The following SAV1 variants were observed in gnomAD, a reference collection of about 807,000 sequenced individuals.
The protein encoded by SAV1 is protein salvador homolog 1.
In SAV1, 23 loss-of-function variants were observed where a neutral mutation model predicts 47.3. The ratio of observed to expected loss-of-function variants is 0.49; its 90% CI spans 0.35 to 0.69. The LOEUF (loss-of-function observed/expected upper bound fraction) is 0.69. SAV1 is among the 30% of genes least tolerant of loss of function. The pLI is 0.01. For synonymous variants in SAV1, 155 were observed against 159.2 expected (o/e 0.97, Z 0.20); for missense variants, 448 against 457.4 (o/e 0.98, Z 0.19).
intron 4 of SAV1, among the ~76,000 whole-genome samples, chr14:50,637,266 G>C (rs992089798): frequency 6.6e-6 from 1 of 152,154 alleles, no homozygotes; most frequent in African/African-American, 2.4e-5. Context: ...CCAACCACTT[G>C]TGAACATAAA....
chr14:50,662,361 G>A (rs2039867420), intron 2 of SAV1: 1 of 152,176 alleles, frequency 6.6e-6, no homozygotes, highest in Non-Finnish European at 1.5e-5. Flanking sequence ...TAGAGACAGG[G>A]TTTCACCGTG....
chr14:50,639,301 G>GA (rs2039662049), intron 4 of SAV1, among the ~76,000 whole-genome samples: 1 of 152,168 alleles, frequency 6.6e-6, no homozygotes, highest in Non-Finnish European at 1.5e-5. Flanking sequence ...TCAATTGTCT[G>GA]AAAAACAAAA....
At chr14:50,652,738 T>C (rs57198801) in intron 2 of SAV1, among the ~76,000 whole-genome samples, 28,225 of 152,082 alleles carry the variant, frequency 0.19, 3,045 homozygotes, top group African/African-American at 0.29. Context: ...ACTTTTGAAA[T>C]TGAAAAAAAA....
intron 3 of SAV1, among the ~76,000 whole-genome samples, chr14:50,644,268 G>A (rs1032526711): frequency 1.3e-5 from 2 of 152,174 alleles, no homozygotes; most frequent in Non-Finnish European, 2.9e-5. Context: ...AAACAGAAAT[G>A]GGATGTTTTG....
intron 2 of SAV1, among the ~76,000 whole-genome samples, chr14:50,647,065 A>G (rs1350331265): frequency 6.6e-6 from 1 of 152,220 alleles, no homozygotes; most frequent in Non-Finnish European, 1.5e-5. Context: ...CCTAATCACA[A>G]CCTATACCTG....
At chr14:50,639,549 A>G (rs2039664765) in intron 4 of SAV1, among the ~76,000 whole-genome samples, 1 of 152,174 alleles carries the variant, frequency 6.6e-6, no homozygotes, top group South Asian at 2.1e-4. Flanking sequence ...AGTCTGGCCC[A>G]TTTTGGAAGA....
At chr14:50,647,306 T>G (rs2039730381) in intron 2 of SAV1, among the ~76,000 whole-genome samples, 1 of 152,138 alleles carries the variant, frequency 6.6e-6, no homozygotes, top group Admixed American at 6.5e-5. Context: ...AAAATCAAGC[T>G]GTAAACAGGG....
chr14:50,663,791 T>G (rs554075266), intron 2 of SAV1, among the ~76,000 whole-genome samples: 55 of 152,372 alleles, frequency 3.6e-4, no homozygotes, highest in African/African-American at 1.2e-3. Context: ...ACTGCTTTCA[T>G]AAAATCACTT....
At chr14:50,651,069 A>AG (rs769281391) in intron 2 of SAV1, among the ~76,000 whole-genome samples, 6,652 of 13,084 alleles carry the variant, frequency 0.51, 144 homozygotes, top group Middle Eastern at 0.54. Flanking sequence ...GCCAGAGCGA[A>AG]GCTTCGGATA....
chr14:50,653,003 C>G (rs926102632), intron 2 of SAV1, among the ~76,000 whole-genome samples: 2 of 151,770 alleles, frequency 1.3e-5, no homozygotes, highest in African/African-American at 4.8e-5. Context: ...TGCACTCCAG[C>G]CTGGGTGACA....
At position 50,634,830 on chromosome 14, in the gene SAV1, C is replaced by CT. The variant is rs749473498; in HGVS notation, c.*352dup. On this transcript the variant is annotated 3_prime_UTR_variant, in exon 5 of 5. Coordinates refer to ENST00000324679, the MANE Select transcript of SAV1 (RefSeq NM_021818.4). ...TTTTTTTAAAAAAATACCGCAGATT[C>CT]TTTTTTTTTTTTAAAGAAGGTACTA... The CT allele has an allele frequency of 3.6e-3, 599 of 165,112 alleles. 1 individual carries two copies. The highest frequency in any genetic ancestry group is 7.3e-3 in the South Asian group (48 of 6,588). The allele number at this position is 165,112 out of a possible 1,614,324, so 10.2% of individuals were successfully genotyped here.
intron 2 of SAV1, among the ~76,000 whole-genome samples, chr14:50,655,199 C>T (rs530331102): frequency 2.4e-4 from 36 of 152,186 alleles, no homozygotes; most frequent in Admixed American, 5.9e-4. Context: ...AATATCACAT[C>T]GTAGAAACAC....
chr14:50,667,458 G>C (rs1039215312), intron 1 of SAV1: 3 of 456,908 alleles, frequency 6.6e-6, no homozygotes, highest in African/African-American at 6.0e-5. Context: ...ACAGTCGAGA[G>C]ACACCCGCAA....
At chr14:50,652,522 A>C (rs1200351478) in intron 2 of SAV1, among the ~76,000 whole-genome samples, 1 of 152,216 alleles carries the variant, frequency 6.6e-6, no homozygotes, top group African/African-American at 2.4e-5. Context: ...ATCTAGTCAC[A>C]TTAGAAAGCA....
intron 2 of SAV1, chr14:50,662,562 AGTCT>A (rs1346117589): frequency 6.6e-6 from 1 of 152,356 alleles, no homozygotes; most frequent in East Asian, 1.9e-4. Flanking sequence ...GTTGCTTTAA[AGTCT>A]GTCTTTAAAC....
chr14:50,655,723 G>A (rs2039806817), intron 2 of SAV1, among the ~76,000 whole-genome samples: 2 of 152,020 alleles, frequency 1.3e-5, no homozygotes, highest in African/African-American at 4.8e-5. Context: ...ACTATACCCT[G>A]CCTAAAAACA....
chr14:50,639,536 G>C (rs1006237650), intron 4 of SAV1, among the ~76,000 whole-genome samples: 1 of 151,924 alleles, frequency 6.6e-6, no homozygotes, highest in Non-Finnish European at 1.5e-5. Context: ...CTCCCTTTTT[G>C]TCAGTCTGGC....
At chr14:50,645,361 A>G (rs1304201406) in intron 2 of SAV1, among the ~76,000 whole-genome samples, 2 of 152,188 alleles carry the variant, frequency 1.3e-5, no homozygotes. Flanking sequence ...TGTTGCCACA[A>G]GCAGAAAATT....
At chr14:50,659,324 G>A (rs542059770) in intron 2 of SAV1, among the ~76,000 whole-genome samples, 193 of 152,256 alleles carry the variant, frequency 1.3e-3, no homozygotes, top group Non-Finnish European at 2.5e-3. Flanking sequence ...GCCTATGGGT[G>A]TAGCTTGCTG....
Sources: gnomAD v4.1 joint callset for allele counts (sites outside exome capture counted in the v4.1 genomes callset) on GRCh38, gnomAD v4.1.1 for gene constraint, MANE v1.5 for transcripts, NCBI Gene and HGNC (gene_info 2026-07-23, HGNC 2026-07-21) for gene names.